GFAP: variants seen among roughly 807,000 people sequenced by gnomAD.
GFAP encodes the protein intermediate filament protein.
A neutral mutation model predicts 49.3 loss-of-function variants in GFAP; 38 were observed. That is an observed-to-expected ratio of 0.77 (90% CI 0.60 to 1.01). The LOEUF (loss-of-function observed/expected upper bound fraction) is 1.01. Ranked by LOEUF, GFAP falls within the 50% of genes least tolerant of loss-of-function variation. GFAP has a pLI of 0.00. For missense variants in GFAP, 463 were observed against 579.1 expected (o/e 0.80, Z 2.06); for synonymous variants, 222 against 236.4 (o/e 0.94, Z 0.56).
In GFAP at chr17:44,903,962, G is replaced by T; in HGVS notation, c.*3385C>A. On this transcript the variant is annotated 3_prime_UTR_variant, in exon 9 of 9. Coordinates refer to ENST00000588735, the MANE Select transcript of GFAP (RefSeq NM_002055.5). ...GATGTTTGAAAATGCAGCCTACCTG[G>T]CCGACATGAGCTTTGAGCTTCCCTG... is the stretch of plus-strand genomic sequence containing the variant. The T allele has an allele frequency of 6.4e-7, 1 of 1,550,608 alleles. No individual in the cohort carries two copies. Among genetic ancestry groups the T allele is most frequent in the Non-Finnish European group, 8.7e-7 (1 of 1,147,008 alleles).
In GFAP at chr17:44,907,842, A is replaced by C. The variant is rs74378074; in HGVS notation, c.1257+222T>G. Reference sequence around the variant, plus strand: ...AAGAGAGAGTGTGTATTAGGATCCCATCTAGTGGCTTTGGTACCAAGGCTC... The same window carrying C: ...AAGAGAGAGTGTGTATTAGGATCCCCTCTAGTGGCTTTGGTACCAAGGCTC... On this transcript the variant is annotated intron_variant, in intron 8 of 8. Transcript: ENST00000588735. 33,334 of 651,132 alleles carry C rather than the reference A, an allele frequency of 0.051. 1,903 individuals are homozygous for C. Among genetic ancestry groups the C allele is most frequent in the South Asian group, 0.16 (9,475 of 60,566 alleles). The allele number at this position is 651,132 out of a possible 1,614,324, so 40.3% of individuals were successfully genotyped here. A position where few individuals can be genotyped will look rare whatever the true frequency, so the allele number is the denominator to read the frequency against.
intron 3 of GFAP, 21 bp downstream of exon 3, chr17:44,913,707 C>T (rs372600611): frequency 1.3e-6 from 2 of 1,565,336 alleles, no homozygotes; most frequent in African/African-American, 2.7e-5. Context: ...TTGAGCTTTC[C>T]TCCCTCTGCC....
At chr17:44,909,335 T>A (rs1053051577) in intron 7 of GFAP, 4 of 152,230 alleles carry the variant, frequency 2.6e-5, no homozygotes, top group African/African-American at 9.6e-5. Flanking sequence ...GTTAAACATG[T>A]GGCACATATT....
Position 44,903,583 on chromosome 17 carries a change from G to T in GFAP, c.*3764C>A. On this transcript the variant is annotated 3_prime_UTR_variant, in exon 9 of 9. Transcript: ENST00000588735. ...TTCTAGAAAGGGGAGTAAAGGCCAG[G>T]TTCTAGAATGGCTTTCCCCCCCCAC... 1 of 1,403,346 alleles carries T rather than the reference G, an allele frequency of 7.1e-7. No homozygotes were observed. Among genetic ancestry groups the T allele is most frequent in the South Asian group, 1.7e-5 (1 of 59,508 alleles). The allele number at this position is 1,403,346 out of a possible 1,614,324, so 86.9% of individuals were successfully genotyped here.
chr17:44,913,698 T>G, intron 3 of GFAP, 30 bp downstream of exon 3: 57 of 1,511,092 alleles, frequency 3.8e-5, no homozygotes, highest in Non-Finnish European at 4.4e-5. Context: ...ATCTCTGTGT[T>G]GAGCTTTCCT....
rs539882053 is a variant in GFAP, at chr17:44,910,728, G to A, written c.1128-70C>T. 192 of 1,550,282 alleles carry A rather than the reference G, an allele frequency of 1.2e-4. No homozygotes were observed. The Middle Eastern group carries it at 2.5e-3, about 20-fold the overall frequency. ...ACCCCTAGGCTGGGTCTTGGTGCGG[G>A]GCCATCATGACAACTTGAACGCCCT... On this transcript the variant is annotated intron_variant, in intron 6 of 8. Transcript: ENST00000588735.
Position 44,905,054 on chromosome 17 carries a change from C to T in GFAP, c.*2293G>A, listed in dbSNP as rs2051633756. ...CTGCTGCTACTTATTTCACTGTTGT[C>T]CCAGCTTCTCCCCCTAGGAGCTCTC... On this transcript the variant is annotated 3_prime_UTR_variant, in exon 9 of 9. Coordinates refer to ENST00000588735, the MANE Select transcript of GFAP (RefSeq NM_002055.5). 2 of 1,543,026 alleles carry T rather than the reference C, an allele frequency of 1.3e-6. No individual in the cohort carries two copies. The highest frequency in any genetic ancestry group is 8.8e-7 in the Non-Finnish European group (1 of 1,141,596).
chr17:44,910,460 A>T, intron 7 of GFAP, 155 bp downstream of exon 7: 1 of 1,562,162 alleles, frequency 6.4e-7, no homozygotes, highest in Non-Finnish European at 8.7e-7. Flanking sequence ...CTGGTATGAT[A>T]GGCTCTGGCT....
In GFAP at chr17:44,913,826, G is replaced by A. The variant is rs767117679; in HGVS notation, c.523-3C>T. ...GCCAGGGTGGCTTCATCTGCTTCCTGGAGTGGCAGGAGGGGTGAGGAGTAG... is the reference window on the plus strand; with the variant it reads ...GCCAGGGTGGCTTCATCTGCTTCCTAGAGTGGCAGGAGGGGTGAGGAGTAG... On this transcript the variant is annotated splice_region_variant and splice_polypyrimidine_tract_variant and intron_variant, in intron 2 of 8. Coordinates refer to ENST00000588735, the MANE Select transcript of GFAP (RefSeq NM_002055.5). 4 of 1,611,772 alleles carry A rather than the reference G, an allele frequency of 2.5e-6. No individual in the cohort carries two copies. The South Asian group carries it at 4.4e-5, about 18-fold the overall frequency.
rs2051885940 is a variant in GFAP, at chr17:44,915,315, G to A, written c.172C>T (p.Leu58Phe). The A allele has an allele frequency of 1.2e-6, 2 of 1,613,886 alleles. No individual in the cohort carries two copies. Among genetic ancestry groups the A allele is most frequent in the Non-Finnish European group, 1.7e-6 (2 of 1,179,838 alleles). ...TRVDFSLAGALNAGFKETRAS... is the reference protein window; with the variant it reads ...TRVDFSLAGAFNAGFKETRAS... ...CGGGTCTCCTTGAAGCCAGCATTGAGTGCCCCAGCCAGGGAGAAATCCACC... is the reference window on the plus strand; with the variant it reads ...CGGGTCTCCTTGAAGCCAGCATTGAATGCCCCAGCCAGGGAGAAATCCACC... Residue 58 changes from leucine (L) to phenylalanine (F), a missense_variant, in exon 1 of 9, where the codon CTC (leucine) becomes TTC (phenylalanine). Physicochemically the swap from Leu to Phe is conservative, Grantham distance 22. Transcript: ENST00000588735. The surrounding 1 kb of genome is among the most constrained non-coding windows in gnomAD (Gnocchi z 4.1).
In GFAP at chr17:44,904,231, C is replaced by G. The variant is rs562634291; in HGVS notation, c.*3116G>C. The G allele has an allele frequency of 1.3e-6, 2 of 1,550,572 alleles. No homozygotes were observed. Among genetic ancestry groups the G allele is most frequent in the Non-Finnish European group, 1.7e-6 (2 of 1,146,998 alleles). On this transcript the variant is annotated 3_prime_UTR_variant, in exon 9 of 9. Transcript: ENST00000588735. ...GCACCCGCAAGGGGGACTACTTTTACGCCTACGATGTGGACATCCAGAACA... is the reference window on the plus strand; with the variant it reads ...GCACCCGCAAGGGGGACTACTTTTAGGCCTACGATGTGGACATCCAGAACA...
chr17:44,913,344 C>T lies in GFAP; in HGVS notation c.705G>A (p.Leu235=), dbSNP rs1415402953. 2.5e-6 allele frequency: 4 copies of T among 1,614,192 alleles called. No individual in the cohort carries two copies. The highest frequency in any genetic ancestry group is 1.6e-4 in the Middle Eastern group (1 of 6,062). The part of the protein sequence containing the change: ...DVAKPDLTAA[L]KEIRTQYEAM... The stretch of plus-strand genomic sequence containing the variant: ...CCTCATACTGCGTGCGGATCTCTTT[C>T]AGGGCTGCGGTGAGGTCTGGCTTGG... The change falls in exon 4 of 9, where the codon CTG becomes CTA. Residue 235 remains leucine (L), a synonymous_variant. Transcript: ENST00000588735.
chr17:44,903,912 A>G lies in GFAP; in HGVS notation c.*3435T>C. On this transcript the variant is annotated 3_prime_UTR_variant, in exon 9 of 9. Coordinates refer to ENST00000588735, the MANE Select transcript of GFAP (RefSeq NM_002055.5). Reference sequence around the variant, plus strand: ...ATTGTGGAGAAGGAAAACATTTTTCAGAGGACCCCCTGCCCTGCTTTCCTG... The same window carrying G: ...ATTGTGGAGAAGGAAAACATTTTTCGGAGGACCCCCTGCCCTGCTTTCCTG... 6.4e-7 allele frequency: 1 copy of G among 1,550,614 alleles called. No homozygotes were observed. Among genetic ancestry groups the G allele is most frequent in the Non-Finnish European group, 8.7e-7 (1 of 1,146,972 alleles).
intron 7 of GFAP, chr17:44,910,345 T>C: frequency 1.9e-6 from 3 of 1,611,922 alleles, no homozygotes; most frequent in Non-Finnish European, 8.5e-7. Context: ...ACAGGGCAGA[T>C]GTCAAGCTCT....
At position 44,911,680 on chromosome 17, in the gene GFAP, G is replaced by A. The variant is rs1488729263; in HGVS notation, c.898C>T (p.Arg300Cys). ...QSLTCDLESL[R>C]GTNESLERQM... ...GCCCTGGCCGCGCTCACCGTGCCGC[G>A]CAGAGACTCCAGGTCGCAGGTCAAG... The change falls in exon 5 of 9, where the codon CGC becomes TGC. Residue 300 changes from arginine to cysteine, a missense_variant. Transcript: ENST00000588735. The A allele has an allele frequency of 6.2e-7, 1 of 1,613,032 alleles. No homozygotes were observed. The highest frequency in any genetic ancestry group is 8.5e-7 in the Non-Finnish European group (1 of 1,179,922).
chr17:44,913,661 T>C, intron 3 of GFAP, 67 bp downstream of exon 3: 1 of 1,240,640 alleles, frequency 8.1e-7, no homozygotes, highest in Non-Finnish European at 1.2e-6. Context: ...AGCTTCTCTG[T>C]CTCTGTCTCT....
At chr17:44,908,916 AG>A (rs1238897122) in intron 7 of GFAP, 2,444 of 147,272 alleles carry the variant, frequency 0.017, 25 homozygotes, top group Middle Eastern at 0.029. Flanking sequence ...GAAGGAAGGA[AG>A]GAAGGAAGAA....
In GFAP at chr17:44,905,231, G is replaced by C; in HGVS notation, c.*2116C>G. On this transcript the variant is annotated 3_prime_UTR_variant, in exon 9 of 9. Transcript: ENST00000588735. ...ATTTTCATGGGCAGGTCTGGGACCT[G>C]ATCTGAGAAGTGGAGGGGCCTGAGG... The C allele has an allele frequency of 6.3e-6, 4 of 635,546 alleles. No individual in the cohort carries two copies. Among genetic ancestry groups the C allele is most frequent in the Non-Finnish European group, 8.3e-6 (3 of 359,650 alleles). The allele number at this position is 635,546 out of a possible 1,614,324, so 39.4% of individuals were successfully genotyped here. A position where few individuals can be genotyped will look rare whatever the true frequency, so the allele number is the denominator to read the frequency against.
chr17:44,909,662 T>G (rs2145629526), intron 7 of GFAP: 2 of 266,812 alleles, frequency 7.5e-6, no homozygotes, highest in Non-Finnish European at 1.0e-5. Flanking sequence ...ACACGTCACA[T>G]TCACTAATAT....
Sources: gnomAD v4.1 joint callset for allele counts on GRCh38, gnomAD v4.1.1 for gene constraint, Gnocchi (gnomAD v3.1) non-coding constraint, MANE v1.5 for transcripts, NCBI Gene and HGNC (gene_info 2026-07-23, HGNC 2026-07-21) for gene names.